Variants in ZNF106 observed in about 807,000 individuals in gnomAD.
ZNF106 encodes zinc finger protein 106.
Under a neutral mutation model 195.1 loss-of-function variants are expected in ZNF106, and 67 were observed. The ratio of observed to expected loss-of-function variants is 0.34; its 90% confidence interval spans 0.28 to 0.42. The LOEUF (loss-of-function observed/expected upper bound fraction) is 0.42, where lower values mean the gene tolerates loss of function less well. ZNF106 is among the 10% of genes least tolerant of loss of function. ZNF106 has a pLI of 1.00. For missense variants in ZNF106, 2,118 were observed against 2,304.5 expected (o/e 0.92, Z 1.66); for synonymous variants, 784 against 818.6 (o/e 0.96, Z 0.72).
At position 42,450,864 on chromosome 15, in the gene ZNF106, T is replaced by A; in HGVS notation, c.1408A>T (p.Met470Leu). Residue 470 changes from methionine to leucine, a missense_variant, in exon 5 of 22, where the codon ATG becomes TTG. Physicochemically the swap from Met to Leu is conservative, Grantham distance 15 (BLOSUM62 2). Coordinates refer to ENST00000564754, the MANE Select transcript of ZNF106 (RefSeq NM_001366845.3). ...KPEQEHTPNKMPSLKSPLLPC... is the reference protein window; with the variant it reads ...KPEQEHTPNKLPSLKSPLLPC... ...AGGAGTGGGGATTTCAATGATGGCA[T>A]TTTATTTGGTGTATGCTCTTGTTCA... 6.2e-7 allele frequency: 1 copy of A among 1,614,156 alleles called. No individual in the cohort carries two copies. The highest frequency in any genetic ancestry group is 8.5e-7 in the Non-Finnish European group (1 of 1,180,038).
chr15:42,457,177 G>T lies in ZNF106; in HGVS notation c.117-19C>A. The T allele has an allele frequency of 1.2e-6, 2 of 1,614,024 alleles. No individual in the cohort carries two copies. The highest frequency in any genetic ancestry group is 1.7e-6 in the Non-Finnish European group (2 of 1,179,996). The stretch of plus-strand genomic sequence containing the variant: ...AATGTCCCTAGGGAAAGAGGGAGAT[G>T]AGGGACATTCAATTCTCCCCACTGG... On this transcript the variant is annotated intron_variant, in intron 3 of 21. Coordinates refer to ENST00000564754, the MANE Select transcript of ZNF106 (RefSeq NM_001366845.3).
rs762444586 is a variant in ZNF106, at chr15:42,438,671, C to T, written c.4545-4G>A. The T allele has an allele frequency of 4.3e-6, 7 of 1,613,248 alleles. No homozygotes were observed. Among genetic ancestry groups the T allele is most frequent in the South Asian group, 1.1e-5 (1 of 90,942 alleles). ...CACAGTCTGAGTTTCTGCCACACTA[C>T]AAAATAATAGCAAAAGTGTTCTCAG... On this transcript the variant is annotated splice_polypyrimidine_tract_variant and splice_region_variant and intron_variant, in intron 11 of 21. Transcript: ENST00000564754.
chr15:42,451,233 T>C lies in ZNF106; in HGVS notation c.1039A>G (p.Thr347Ala). Reference sequence around the variant, plus strand: ...GAAGTAGCAGTGTCTGCTTGTTTAGTGGTTTGGCTTTCCAGCTGCTCAAAA... The same window carrying C: ...GAAGTAGCAGTGTCTGCTTGTTTAGCGGTTTGGCTTTCCAGCTGCTCAAAA... ...FNFEQLESQTTKQADTATSKV... is the reference protein window; with the variant it reads ...FNFEQLESQTAKQADTATSKV... The change falls in exon 5 of 22, where the codon ACT becomes GCT. Residue 347 changes from threonine (T) to alanine (A), a missense_variant. Thr to Ala is a moderately conservative substitution (Grantham distance 58). Transcript: ENST00000564754. 6.2e-7 allele frequency: 1 copy of C among 1,614,080 alleles called. No individual in the cohort carries two copies. Among genetic ancestry groups the C allele is most frequent in the Non-Finnish European group, 8.5e-7 (1 of 1,180,012 alleles).
rs1245213208 is a variant in ZNF106 at position 42,414,183 on chromosome 15, C to T, written c.*3121G>A. The T allele has an allele frequency of 6.6e-6, 1 of 152,112 alleles. No individual in the cohort carries two copies. Among genetic ancestry groups the T allele is most frequent in the Non-Finnish European group, 1.5e-5 (1 of 68,026 alleles). 9.4% of individuals were successfully genotyped at this position (152,112 alleles called of 1,614,324 possible). On this transcript the variant is annotated 3_prime_UTR_variant, in exon 22 of 22. Coordinates refer to ENST00000564754, the MANE Select transcript of ZNF106 (RefSeq NM_001366845.3). ...CTAAATGCCAGAGTCAACACAGATC[C>T]CTGAGCCATAGCTCTTCTCTGAGGG...
In ZNF106 at chr15:42,444,979, G is replaced by T. The variant is rs1431608768; in HGVS notation, c.3208C>A (p.Arg1070Ser). The change falls in exon 8 of 22, where the codon CGT becomes AGT. Residue 1070 changes from arginine (R) to serine (S), a missense_variant and splice_region_variant. Coordinates refer to ENST00000564754, the MANE Select transcript of ZNF106 (RefSeq NM_001366845.3). ...TTCAGCAGCTGGTCAACCTGAGAAC[G>T]TTCTGCCAAAAGAAATCATAAGGTT... ...KRRKIKGKKE[R>S]SQVDQLLNIS... 3 of 1,614,016 alleles carry T rather than the reference G, an allele frequency of 1.9e-6. No individual in the cohort carries two copies. The highest frequency in any genetic ancestry group is 1.7e-5 in the Admixed American group (1 of 60,006).
At chr15:42,483,680 T>A (rs186080062) in intron 1 of ZNF106, among the ~76,000 whole-genome samples, 98 of 152,346 alleles carry the variant, frequency 6.4e-4, no homozygotes, top group African/African-American at 1.8e-3. Context: ...CAAGGCCCGC[T>A]TGACACAACC....
chr15:42,443,314 C>T (rs2055627035), intron 9 of ZNF106, among the ~76,000 whole-genome samples: 1 of 152,060 alleles, frequency 6.6e-6, no homozygotes, highest in African/African-American at 2.4e-5. Context: ...TTTTGGGATG[C>T]ACAGTTTACA....
chr15:42,480,836 T>C (rs1168067353), intron 1 of ZNF106, among the ~76,000 whole-genome samples: 1 of 151,980 alleles, frequency 6.6e-6, no homozygotes, highest in East Asian at 1.9e-4. Flanking sequence ...AATACAAAAA[T>C]TAGCTGGGCG....
At chr15:42,430,088 T>C (rs552921671) in intron 14 of ZNF106, among the ~76,000 whole-genome samples, 36 of 152,208 alleles carry the variant, frequency 2.4e-4, no homozygotes, top group African/African-American at 8.7e-4. Flanking sequence ...TCAAGCTGTA[T>C]ACTTAAAATC....
At chr15:42,449,069 A>C (rs904049569) in intron 5 of ZNF106, among the ~76,000 whole-genome samples, 3 of 152,164 alleles carry the variant, frequency 2.0e-5, no homozygotes, top group African/African-American at 7.2e-5. Context: ...TATACTTACA[A>C]TTTCAAATGC....
intron 1 of ZNF106, among the ~76,000 whole-genome samples, chr15:42,486,249 C>T (rs1292109717): frequency 2.0e-5 from 3 of 151,538 alleles, no homozygotes; most frequent in African/African-American, 7.3e-5. Context: ...TGAGCCACCG[C>T]GCCCAGCCCT....
intron 19 of ZNF106, 141 bp downstream of exon 19, chr15:42,421,776 G>T: frequency 1.8e-6 from 1 of 552,086 alleles, no homozygotes; most frequent in South Asian, 3.9e-5. Context: ...CTGTCCCCTG[G>T]TTACTTCCCT....
Position 42,415,572 on chromosome 15 carries a change from C to T in ZNF106, c.*1732G>A, listed in dbSNP as rs2054422867. On this transcript the variant is annotated 3_prime_UTR_variant, in exon 22 of 22. Coordinates refer to ENST00000564754, the MANE Select transcript of ZNF106 (RefSeq NM_001366845.3). ...CCATAAACCCCCTGGTGAAGTCCCC[C>T]TGCCCGATAGCCTGAGGGAAGACAT... is the stretch of plus-strand genomic sequence containing the variant. 1 of 441,710 alleles carries T rather than the reference C, an allele frequency of 2.3e-6. No individual in the cohort carries two copies. The highest frequency in any genetic ancestry group is 4.5e-6 in the Non-Finnish European group (1 of 219,854). The allele number at this position is 441,710 out of a possible 1,614,324, so 27.4% of individuals were successfully genotyped here. A position where few individuals can be genotyped will look rare whatever the true frequency, so the allele number is the denominator to read the frequency against.
chr15:42,457,227 A>G, intron 3 of ZNF106, 69 bp from the exon 4 acceptor site: 1 of 1,610,556 alleles, frequency 6.2e-7, no homozygotes, highest in Non-Finnish European at 8.5e-7. Context: ...CAGATCTGTT[A>G]TTGTTTCCTC....
Position 42,417,804 on chromosome 15 carries a change from C to T in ZNF106, c.5664+1G>A. On this transcript the variant is annotated splice_donor_variant, in intron 21 of 21. Transcript: ENST00000564754. LOFTEE classifies it high-confidence loss of function. ...GCAAACCTCAAGTCCCACTAATGTA[C>T]CTGTTTGGATCCTTTCCTAGCAGTG... 6.2e-7 allele frequency: 1 copy of T among 1,612,220 alleles called. No individual in the cohort carries two copies. The highest frequency in any genetic ancestry group is 8.5e-7 in the Non-Finnish European group (1 of 1,179,148).
chr15:42,466,502 CCA>C (rs570704424), intron 2 of ZNF106, among the ~76,000 whole-genome samples: 150 of 152,078 alleles, frequency 9.9e-4, no homozygotes, highest in Middle Eastern at 3.4e-3. Context: ...CTTCTTTTAT[CCA>C]CAGTTTCTCA....
At chr15:42,469,262 T>G (rs543680126) in intron 2 of ZNF106, among the ~76,000 whole-genome samples, 1 of 152,300 alleles carries the variant, frequency 6.6e-6, no homozygotes, top group East Asian at 1.9e-4. Flanking sequence ...TGCTTACCAA[T>G]ATGCCTAATC....
At chr15:42,489,079 A>G (rs1296228887) in intron 1 of ZNF106, among the ~76,000 whole-genome samples, 4 of 140,256 alleles carry the variant, frequency 2.9e-5, no homozygotes, top group Non-Finnish European at 6.2e-5. Flanking sequence ...CTCTCTCTAA[A>G]AAAAAAAAAA....
intron 15 of ZNF106, 115 bp from the exon 16 acceptor site, chr15:42,425,140 C>T (rs768686155): frequency 7.1e-6 from 7 of 990,050 alleles, no homozygotes; most frequent in Non-Finnish European, 9.0e-6. Flanking sequence ...ATTTTCATAC[C>T]CACTCTGCAG....
Sources: allele counts gnomAD v4.1 joint callset (sites outside exome capture counted in the v4.1 genomes callset), GRCh38; gene constraint gnomAD v4.1.1; transcripts MANE v1.5; gene names NCBI Gene and HGNC (gene_info 2026-07-23, HGNC 2026-07-21).